Variants in GTF2H1 observed in about 807,000 individuals in gnomAD.
GTF2H1 encodes general transcription factor IIH subunit 1, also known as BTF2 p62.
Under a neutral mutation model 71.2 loss-of-function variants are expected in GTF2H1, and 16 were observed. The ratio of observed to expected loss-of-function variants is 0.22; its 90% CI spans 0.15 to 0.34. The LOEUF (loss-of-function observed/expected upper bound fraction) is 0.34, where lower values mean the gene tolerates loss of function less well. Among genes scored for constraint, GTF2H1 ranks in the 10% least tolerant of loss-of-function variants. GTF2H1 has a pLI of 1.00. For synonymous variants in GTF2H1, 215 were observed against 219.0 expected (o/e 0.98, Z 0.16); for missense variants, 498 against 648.2 (o/e 0.77, Z 2.52).
chr11:18,341,134 T>C, intron 5 of GTF2H1, 127 bp from the exon 6 acceptor site: 1 of 655,938 alleles, frequency 1.5e-6, no homozygotes. Flanking sequence ...AATTAGATTA[T>C]AACTTATAGT....
intron 11 of GTF2H1, among the ~76,000 whole-genome samples, chr11:18,354,974 A>G (rs186806935): frequency 1.3e-5 from 2 of 151,394 alleles, no homozygotes; most frequent in Non-Finnish European, 3.0e-5. Context: ...ATGCCTGGCA[A>G]AGTTTTTGTA....
chr11:18,348,332 A>C (rs1056145747), intron 9 of GTF2H1: 63 of 263,924 alleles, frequency 2.4e-4, no homozygotes, highest in African/African-American at 1.3e-3. Context: ...TTCAGAGCTG[A>C]AAGTGTCTTC....
At chr11:18,354,815 G>A (rs1865505323) in intron 11 of GTF2H1, among the ~76,000 whole-genome samples, 2 of 151,196 alleles carry the variant, frequency 1.3e-5, no homozygotes, top group South Asian at 4.2e-4. Flanking sequence ...TTTTGTTTTT[G>A]TTTTTGTTTT....
chr11:18,350,176 C>T (rs1865392865), intron 9 of GTF2H1, among the ~76,000 whole-genome samples: 1 of 152,174 alleles, frequency 6.6e-6, no homozygotes, highest in African/African-American at 2.4e-5. Flanking sequence ...TATAGATTCT[C>T]TCACTTGTAG....
intron 11 of GTF2H1, among the ~76,000 whole-genome samples, chr11:18,356,018 C>CA (rs970291571): frequency 7.2e-5 from 11 of 152,180 alleles, no homozygotes; most frequent in African/African-American, 2.6e-4. Flanking sequence ...ATAGATGTTC[C>CA]AGGCTTATCT....
intron 3 of GTF2H1, among the ~76,000 whole-genome samples, chr11:18,337,274 A>C (rs757077663): frequency 2.6e-5 from 4 of 152,110 alleles, no homozygotes; most frequent in Non-Finnish European, 5.9e-5. Flanking sequence ...ACTAAAAAAA[A>C]TACATATCTA....
Position 18,335,767 on chromosome 11 carries a change from T to A in GTF2H1, c.168T>A (p.Ser56Arg). 1 of 1,613,624 alleles carries A rather than the reference T, an allele frequency of 6.2e-7. No homozygotes were observed. The highest frequency in any genetic ancestry group is 8.5e-7 in the Non-Finnish European group (1 of 1,179,704). The change falls in exon 3 of 15, where the codon AGT becomes AGA. Residue 56 changes from serine (S) to arginine (R), a missense_variant. Around this residue, in one of 3 missense-constraint regions of GTF2H1, gnomAD observed 216 missense variants for 306.2 expected, o/e 0.71. Coordinates refer to ENST00000265963, the MANE Select transcript of GTF2H1 (RefSeq NM_005316.4). Reference protein sequence around the residue: ...MYADIKCQKISPEGKAKIQLQ... With the variant: ...MYADIKCQKIRPEGKAKIQLQ... ...GCTTCTTTTTAGGCCAGAAAATTAG[T>A]CCAGAAGGAAAAGCTAAAATTCAGC...
At chr11:18,354,952 G>A (rs1483703510) in intron 11 of GTF2H1, among the ~76,000 whole-genome samples, 1 of 151,768 alleles carries the variant, frequency 6.6e-6, no homozygotes, top group Non-Finnish European at 1.5e-5. Flanking sequence ...GAAACCACAG[G>A]CACTCACCAC....
At chr11:18,339,950 A>G (rs4150593) in intron 5 of GTF2H1, among the ~76,000 whole-genome samples, 35 of 152,336 alleles carry the variant, frequency 2.3e-4, no homozygotes, top group Admixed American at 1.8e-3. Context: ...TGCAGATGCC[A>G]TCCTAAAAGT....
intron 1 of GTF2H1, among the ~76,000 whole-genome samples, chr11:18,327,331 CATAG>C (rs1303007299): frequency 1.3e-5 from 2 of 150,124 alleles, no homozygotes; most frequent in Non-Finnish European, 3.0e-5. Context: ...TTTTATCACC[CATAG>C]ATAATCATTA....
chr11:18,346,075 C>A (rs913926096), intron 7 of GTF2H1, among the ~76,000 whole-genome samples: 23 of 152,222 alleles, frequency 1.5e-4, no homozygotes, highest in Admixed American at 1.0e-3. Flanking sequence ...CAGGCGTAAG[C>A]CACCACGCCT....
Position 18,339,070 on chromosome 11 carries a change from T to A in GTF2H1, c.514-494T>A, listed in dbSNP as rs1865097546. On this transcript the variant is annotated intron_variant, in intron 4 of 14. Transcript: ENST00000265963. ...ATACCTTATCTGTGGAATTATGGAA[T>A]GGAATTCAGTCAGTTGGTATTCTAG... Among the ~76,000 whole-genome samples the A allele has an allele frequency of 3.3e-5, 5 of 152,240 alleles. No individual in the cohort carries two copies. In the South Asian group the frequency reaches 1.0e-3, roughly 31 times the overall value.
At chr11:18,342,999 G>T (rs893218821) in intron 7 of GTF2H1, among the ~76,000 whole-genome samples, 2 of 152,142 alleles carry the variant, frequency 1.3e-5, no homozygotes, top group African/African-American at 4.8e-5. Flanking sequence ...TCGGCTCACT[G>T]CAACCTCTAC....
rs772460986 is a variant in GTF2H1, at chr11:18,347,710, A to G, written c.960A>G (p.Arg320=). Residue 320 remains arginine, a synonymous_variant, in exon 8 of 15, where the codon AGA becomes AGG. Transcript: ENST00000265963. The part of the protein sequence containing the change: ...HSAMVLAAGL[R]KQEAQNEQTS... Reference sequence around the variant, plus strand: ...CCATGGTCCTGGCAGCTGGACTCAGAAAACAGTTAAGTATAAATGCAGAGG... The same window carrying G: ...CCATGGTCCTGGCAGCTGGACTCAGGAAACAGTTAAGTATAAATGCAGAGG... 4.2e-5 allele frequency: 68 copies of G among 1,613,472 alleles called. No homozygotes were observed. Among genetic ancestry groups the G allele is most frequent in the Non-Finnish European group, 5.6e-5 (66 of 1,179,796 alleles).
At chr11:18,325,986 A>G (rs975107972) in intron 1 of GTF2H1, 2 of 152,280 alleles carry the variant, frequency 1.3e-5, no homozygotes, top group South Asian at 2.1e-4. Flanking sequence ...CAAGGAATAC[A>G]CTCAAGAAAA....
chr11:18,343,338 CATT>C (rs1865206293), intron 7 of GTF2H1, among the ~76,000 whole-genome samples: 1 of 152,148 alleles, frequency 6.6e-6, no homozygotes. Flanking sequence ...AGGTAATAGG[CATT>C]ATTGTTGTTA....
At chr11:18,354,544 G>C (rs1006293640) in intron 11 of GTF2H1, among the ~76,000 whole-genome samples, 1 of 151,950 alleles carries the variant, frequency 6.6e-6, no homozygotes, top group African/African-American at 2.4e-5. Flanking sequence ...CAATCCTCCT[G>C]CCTCAGCCTT....
chr11:18,353,500 C>T (rs1370554164), intron 11 of GTF2H1, among the ~76,000 whole-genome samples: 1 of 152,206 alleles, frequency 6.6e-6, no homozygotes, highest in African/African-American at 2.4e-5. Context: ...GCTTCCTGTG[C>T]TTCGGCTTAT....
intron 7 of GTF2H1, among the ~76,000 whole-genome samples, chr11:18,345,284 T>C (rs1865263353): frequency 6.6e-6 from 1 of 152,162 alleles, no homozygotes; most frequent in Non-Finnish European, 1.5e-5. Context: ...TTCAGTCACT[T>C]CATCATGTTA....
Sources: allele counts gnomAD v4.1 joint callset (sites outside exome capture counted in the v4.1 genomes callset), GRCh38; gene constraint gnomAD v4.1.1; regional missense constraint gnomAD v4.1.1; transcripts MANE v1.5; gene names NCBI Gene and HGNC (gene_info 2026-07-23, HGNC 2026-07-21).